The following FAM118B variants were observed in gnomAD, a reference collection of about 807,000 sequenced individuals.
The protein encoded by FAM118B is SIR2 antiphage like 1.
A neutral mutation model predicts 38.5 loss-of-function variants in FAM118B; 24 were observed. The observed-to-expected ratio is 0.62, with a 90% CI of 0.45 to 0.88. The LOEUF (loss-of-function observed/expected upper bound fraction) is 0.88. FAM118B is among the 40% of genes least tolerant of loss of function. The pLI, the probability that FAM118B is intolerant of heterozygous loss-of-function variation, is 0.00. For missense variants in FAM118B, 334 were observed against 420.0 expected (o/e 0.80, Z 1.79); for synonymous variants, 138 against 156.3 (o/e 0.88, Z 0.87).
At chr11:126,259,090 T>C (rs1950628522) in intron 7 of FAM118B, among the ~76,000 whole-genome samples, 1 of 152,210 alleles carries the variant, frequency 6.6e-6, no homozygotes, top group African/African-American at 2.4e-5. Context: ...TCAGCTGAGT[T>C]TGTCATGTGA....
At chr11:126,238,562 G>A (rs1272508259) in intron 3 of FAM118B, among the ~76,000 whole-genome samples, 5 of 152,096 alleles carry the variant, frequency 3.3e-5, no homozygotes, top group African/African-American at 1.2e-4. Context: ...AGAGAGTTGG[G>A]GGAAATCTTG....
At chr11:126,236,073 T>C (rs1950271103) in intron 3 of FAM118B, among the ~76,000 whole-genome samples, 2 of 152,372 alleles carry the variant, frequency 1.3e-5, no homozygotes, top group South Asian at 4.1e-4. Context: ...TTCTGGATGC[T>C]AGTCCACTCT....
At chr11:126,237,398 A>AT (rs1950290607) in intron 3 of FAM118B, among the ~76,000 whole-genome samples, 1 of 141,804 alleles carries the variant, frequency 7.1e-6, no homozygotes, top group Non-Finnish European at 1.6e-5. Context: ...TTTTTATTTT[A>AT]TTTATTTATT....
intron 3 of FAM118B, among the ~76,000 whole-genome samples, chr11:126,236,070 T>C (rs74938170): frequency 5.9e-4 from 90 of 152,356 alleles, no homozygotes; most frequent in African/African-American, 2.1e-3. Context: ...TCCTTCTGGA[T>C]GCTAGTCCAC....
intron 7 of FAM118B, among the ~76,000 whole-genome samples, chr11:126,258,310 C>T (rs1950612729): frequency 6.6e-6 from 1 of 152,074 alleles, no homozygotes; most frequent in Non-Finnish European, 1.5e-5. Flanking sequence ...TCACTTGAGC[C>T]CAGGAGTTGG....
chr11:126,223,599 A>T (rs1270208717), intron 1 of FAM118B, among the ~76,000 whole-genome samples: 1 of 152,040 alleles, frequency 6.6e-6, no homozygotes, highest in Admixed American at 6.5e-5. Flanking sequence ...AAAAAAAAAA[A>T]ATCTTTTGCT....
At chr11:126,235,592 C>T (rs1230914563) in intron 3 of FAM118B, among the ~76,000 whole-genome samples, 1 of 152,172 alleles carries the variant, frequency 6.6e-6, no homozygotes. Flanking sequence ...GATCTTGGCT[C>T]ACTGCAACCT....
At position 126,262,030 on chromosome 11, in the gene FAM118B, G is replaced by A. The variant is rs143723487; in HGVS notation, c.1043-90G>A. The A allele has an allele frequency of 1.0e-3, 1,279 of 1,235,552 alleles. 4 individuals carry two copies. Among genetic ancestry groups the A allele is most frequent in the African/African-American group, 0.01 (670 of 66,412 alleles). 76.5% of individuals were successfully genotyped at this position (1,235,552 alleles called of 1,614,324 possible). Reference sequence around the variant, plus strand: ...AGAATCTCCTGTCTTGCCTTCTGAAGGGTTAGGATTGACTTAAGTATCTGC... The same window carrying A: ...AGAATCTCCTGTCTTGCCTTCTGAAAGGTTAGGATTGACTTAAGTATCTGC... On this transcript the variant is annotated intron_variant, in intron 8 of 8. Transcript: ENST00000533050.
intron 1 of FAM118B, among the ~76,000 whole-genome samples, chr11:126,219,268 C>G (rs1279678017): frequency 6.7e-6 from 1 of 149,690 alleles, no homozygotes; most frequent in Non-Finnish European, 1.5e-5. Flanking sequence ...GAATGCAGCA[C>G]AGGAATATCA....
chr11:126,214,503 G>GTTTTTTTGTT (rs1949948067), intron 1 of FAM118B: 3 of 28,258 alleles, frequency 1.1e-4, no homozygotes, highest in Non-Finnish European at 2.2e-4. Flanking sequence ...TTTTTTTTTT[G>GTTTTTTTGTT]TTTTTTTTTT....
intron 1 of FAM118B, among the ~76,000 whole-genome samples, chr11:126,225,998 T>C (rs1251011991): frequency 1.3e-5 from 2 of 152,068 alleles, no homozygotes; most frequent in Non-Finnish European, 2.9e-5. Flanking sequence ...AGAAGAAGAT[T>C]ACTAAATAAA....
intron 4 of FAM118B, among the ~76,000 whole-genome samples, chr11:126,242,240 A>T (rs773482003): frequency 2.4e-4 from 37 of 152,262 alleles, no homozygotes; most frequent in African/African-American, 7.5e-4. Flanking sequence ...AGTAAAAAAA[A>T]ATATAGATAA....
At chr11:126,223,637 A>G (rs573265254) in intron 1 of FAM118B, among the ~76,000 whole-genome samples, 2 of 151,968 alleles carry the variant, frequency 1.3e-5, no homozygotes, top group South Asian at 2.1e-4. Context: ...TTTTTCTCTA[A>G]TTGTATTTTA....
chr11:126,241,338 C>T (rs962632500), intron 4 of FAM118B: 2 of 265,008 alleles, frequency 7.5e-6, no homozygotes, highest in Non-Finnish European at 1.4e-5. Flanking sequence ...TGCATCACTA[C>T]TATAAAAGCT....
At chr11:126,225,110 A>G (rs1368953052) in intron 1 of FAM118B, among the ~76,000 whole-genome samples, 1 of 152,230 alleles carries the variant, frequency 6.6e-6, no homozygotes, top group African/African-American at 2.4e-5. Context: ...TTTGCAGCAG[A>G]GGATGGCAAA....
At chr11:126,217,038 A>C (rs965145564) in intron 1 of FAM118B, among the ~76,000 whole-genome samples, 7 of 152,228 alleles carry the variant, frequency 4.6e-5, no homozygotes, top group African/African-American at 1.7e-4. Flanking sequence ...ATCTAGACAC[A>C]CCAGCTAACC....
intron 4 of FAM118B, among the ~76,000 whole-genome samples, chr11:126,243,972 A>C (rs1950390949): frequency 6.6e-6 from 1 of 152,252 alleles, no homozygotes; most frequent in South Asian, 2.1e-4. Flanking sequence ...ACAAAACCAC[A>C]TGATTTTCTC....
At chr11:126,224,813 C>G (rs994896810) in intron 1 of FAM118B, among the ~76,000 whole-genome samples, 2 of 152,076 alleles carry the variant, frequency 1.3e-5, no homozygotes, top group African/African-American at 4.8e-5. Flanking sequence ...TCTTGGCTTC[C>G]TAGGAATGCG....
At chr11:126,221,221 A>G (rs1950058818) in intron 1 of FAM118B, among the ~76,000 whole-genome samples, 1 of 152,204 alleles carries the variant, frequency 6.6e-6, no homozygotes, top group Non-Finnish European at 1.5e-5. Flanking sequence ...GCTAATTTTT[A>G]TTAGGAAAAA....
Sources: allele counts gnomAD v4.1 joint callset (sites outside exome capture counted in the v4.1 genomes callset), GRCh38; gene constraint gnomAD v4.1.1; transcripts MANE v1.5; gene names NCBI Gene and HGNC (gene_info 2026-07-23, HGNC 2026-07-21).